The following ADGRL2 variants were observed in gnomAD, a reference collection of about 807,000 sequenced individuals.
ADGRL2 encodes the protein adhesion G protein-coupled receptor L2, also known as calcium-independent alpha-latrotoxin receptor 2.
In ADGRL2, 44 loss-of-function variants were observed where a neutral mutation model predicts 157.4. The observed-to-expected ratio is 0.28, with a 90% CI of 0.22 to 0.36. The LOEUF (loss-of-function observed/expected upper bound fraction) is 0.36. ADGRL2 is among the 10% of genes least tolerant of loss of function. ADGRL2 has a pLI of 1.00. For synonymous variants in ADGRL2, 585 were observed against 624.7 expected, an observed-to-expected ratio of 0.94 and a Z score of 0.95; for missense variants, 1,510 against 1,768.9, an observed-to-expected ratio of 0.85 and a Z score of 2.63.
chr1:81,421,157 AT>A (rs2077117402), intron 1 of ADGRL2, among the ~76,000 whole-genome samples: 1 of 152,152 alleles, frequency 6.6e-6, no homozygotes. Flanking sequence ...TTAGAGCCTC[AT>A]TTTTTTCTCC....
intron 3 of ADGRL2, among the ~76,000 whole-genome samples, chr1:81,597,021 G>A (rs928709566): frequency 2.6e-5 from 4 of 152,140 alleles, no homozygotes; most frequent in Admixed American, 2.6e-4. Context: ...AAGTATTTAA[G>A]CACAGTCCCT....
chr1:81,567,656 G>T (rs982375319), intron 2 of ADGRL2, among the ~76,000 whole-genome samples: 2 of 152,046 alleles, frequency 1.3e-5, no homozygotes, highest in Admixed American at 6.6e-5. Flanking sequence ...AAATATACTT[G>T]TCAAGTCCCC....
At chr1:81,514,412 A>G (rs1466541677) in intron 2 of ADGRL2, among the ~76,000 whole-genome samples, 5 of 152,190 alleles carry the variant, frequency 3.3e-5, no homozygotes, top group Non-Finnish European at 7.4e-5. Context: ...TCACTCATTC[A>G]GGCCCTTGTG....
At chr1:81,482,444 T>G (rs539588321) in intron 2 of ADGRL2, among the ~76,000 whole-genome samples, 8 of 145,274 alleles carry the variant, frequency 5.5e-5, no homozygotes, top group East Asian at 2.1e-4. Flanking sequence ...CACATATAAT[T>G]TATTATTTTA....
intron 1 of ADGRL2, among the ~76,000 whole-genome samples, chr1:81,435,960 G>T (rs894648105): frequency 1.3e-5 from 2 of 152,030 alleles, no homozygotes; most frequent in African/African-American, 4.8e-5. Context: ...GCCGGGCGTG[G>T]TGGTGGATGC....
intron 1 of ADGRL2, among the ~76,000 whole-genome samples, chr1:81,311,353 C>T (rs573201502): frequency 1.6e-4 from 24 of 152,214 alleles, no homozygotes; most frequent in African/African-American, 5.5e-4. Context: ...TCTGTCTATT[C>T]TCAATGCCTG....
At chr1:81,980,488 A>T (rs1661348659) in intron 18 of ADGRL2, among the ~76,000 whole-genome samples, 1 of 151,782 alleles carries the variant, frequency 6.6e-6, no homozygotes, top group South Asian at 2.1e-4. Context: ...ATTAACAACA[A>T]ATGATAGCTG....
At chr1:81,632,912 C>T (rs552255371) in intron 3 of ADGRL2, among the ~76,000 whole-genome samples, 2 of 152,092 alleles carry the variant, frequency 1.3e-5, no homozygotes, top group African/African-American at 2.4e-5. Flanking sequence ...GGGATTTGAG[C>T]AAGGGATTTA....
intron 3 of ADGRL2, among the ~76,000 whole-genome samples, chr1:81,634,955 C>T (rs183045693): frequency 2.0e-5 from 3 of 152,242 alleles, no homozygotes; most frequent in Non-Finnish European, 4.4e-5. Flanking sequence ...TTTGTGTTTG[C>T]CTGAGGGCTT....
chr1:81,781,066 T>C (rs911644785), intron 2 of ADGRL2, among the ~76,000 whole-genome samples: 3 of 152,224 alleles, frequency 2.0e-5, no homozygotes, highest in African/African-American at 7.2e-5. Context: ...GTTTTACTTA[T>C]TTATTTATTT....
intron 2 of ADGRL2, among the ~76,000 whole-genome samples, chr1:81,484,899 T>C (rs2078467946): frequency 6.6e-6 from 1 of 152,148 alleles, no homozygotes; most frequent in Admixed American, 6.6e-5. Flanking sequence ...AAATGAGAGA[T>C]TCTACCCATA....
intron 3 of ADGRL2, among the ~76,000 whole-genome samples, chr1:81,637,056 T>C (rs2148783957): frequency 6.6e-6 from 1 of 152,196 alleles, no homozygotes; most frequent in South Asian, 2.1e-4. Flanking sequence ...GTTTGATTGG[T>C]TGGTCTCGAA....
At chr1:81,515,638 T>C (rs943777346) in intron 2 of ADGRL2, among the ~76,000 whole-genome samples, 1 of 152,184 alleles carries the variant, frequency 6.6e-6, no homozygotes, top group African/African-American at 2.4e-5. Context: ...AAATGATGTA[T>C]GTTTATTGTG....
At chr1:81,914,617 A>G (rs942404527) in intron 3 of ADGRL2, among the ~76,000 whole-genome samples, 2 of 152,180 alleles carry the variant, frequency 1.3e-5, no homozygotes, top group Non-Finnish European at 1.5e-5. Flanking sequence ...GGTAAAATAC[A>G]TACGGGGGAA....
At chr1:81,583,134 A>G (rs2080951519) in intron 3 of ADGRL2, among the ~76,000 whole-genome samples, 1 of 152,194 alleles carries the variant, frequency 6.6e-6, no homozygotes, top group Admixed American at 6.6e-5. Context: ...AGGACAAACT[A>G]TAAACTTATA....
intron 2 of ADGRL2, among the ~76,000 whole-genome samples, chr1:81,513,161 CAGAG>C (rs1456393124): frequency 6.6e-6 from 1 of 152,046 alleles, no homozygotes; most frequent in Non-Finnish European, 1.5e-5. Flanking sequence ...TTCAGAAAGA[CAGAG>C]AGAGATTTTT....
At chr1:81,804,389 A>T (rs899533151) in intron 1 of ADGRL2, among the ~76,000 whole-genome samples, 3 of 152,230 alleles carry the variant, frequency 2.0e-5, no homozygotes, top group Non-Finnish European at 4.4e-5. Context: ...AATTAATGCA[A>T]GTGTGAATTC....
intron 1 of ADGRL2, among the ~76,000 whole-genome samples, chr1:81,347,249 A>G (rs984214731): frequency 2.6e-5 from 4 of 152,054 alleles, no homozygotes; most frequent in Non-Finnish European, 2.9e-5. Context: ...AAAACACAAA[A>G]AAATAGCCAG....
intron 11 of ADGRL2, among the ~76,000 whole-genome samples, chr1:81,962,358 A>AT (rs569806939): frequency 5.9e-4 from 90 of 151,414 alleles, no homozygotes; most frequent in Non-Finnish European, 1.1e-3. Context: ...CTCCTGTTTG[A>AT]TTTTTTCTTT....
Sources: gnomAD v4.1 joint callset for allele counts (sites outside exome capture counted in the v4.1 genomes callset) on GRCh38, gnomAD v4.1.1 for gene constraint, MANE v1.5 for transcripts, NCBI Gene and HGNC (gene_info 2026-07-23, HGNC 2026-07-21) for gene names.